The following PCDHA11 variants were observed in gnomAD, a reference collection of about 807,000 sequenced individuals.
PCDHA11 encodes the protein protocadherin alpha 11, also known as protocadherin alpha-11.
Under a neutral mutation model 70.3 loss-of-function variants are expected in PCDHA11, and 61 were observed. That is an observed-to-expected ratio of 0.87 (90% CI 0.71 to 1.07). The LOEUF (loss-of-function observed/expected upper bound fraction) is 1.07. Ranked by LOEUF, PCDHA11 falls within the 50% of genes least tolerant of loss-of-function variation. The pLI is 0.00. For missense variants in PCDHA11, 1,324 were observed against 1,237.5 expected (o/e 1.07, Z -1.05); for synonymous variants, 633 against 555.1 (o/e 1.14, Z -1.97).
chr5:140,992,676 G>A (rs2097524186), intron 3 of PCDHA11, among the ~76,000 whole-genome samples: 1 of 152,146 alleles, frequency 6.6e-6, no homozygotes, highest in African/African-American at 2.4e-5. Flanking sequence ...GTATGTGTGT[G>A]TTAGGGGTTG....
intron 1 of PCDHA11, among the ~76,000 whole-genome samples, chr5:140,878,370 T>C (rs1049956194): frequency 6.6e-6 from 1 of 152,272 alleles, no homozygotes; most frequent in African/African-American, 2.4e-5. Context: ...GTCTGACATA[T>C]GATGAATGAT....
At chr5:140,927,596 G>C in intron 1 of PCDHA11, 3 of 1,614,162 alleles carry the variant, frequency 1.9e-6, no homozygotes, top group Non-Finnish European at 2.5e-6. Flanking sequence ...GTATTTGAGC[G>C]CTCCGTATAC....
intron 1 of PCDHA11, among the ~76,000 whole-genome samples, chr5:140,956,898 T>G (rs1554222699): frequency 6.6e-6 from 1 of 152,218 alleles, no homozygotes; most frequent in Admixed American, 6.6e-5. Flanking sequence ...ATGAATATTC[T>G]TAAATGTATA....
chr5:140,924,597 G>A lies in PCDHA11; in HGVS notation c.2391+53103G>A, dbSNP rs1278228526. ...ATGTTTTCAAATATTATAGAAATATGCAGGCTGATGCCAGGTGCGGTGGCA... is the reference window on the plus strand; with the variant it reads ...ATGTTTTCAAATATTATAGAAATATACAGGCTGATGCCAGGTGCGGTGGCA... On this transcript the variant is annotated intron_variant, in intron 1 of 3. Coordinates refer to ENST00000398640, the MANE Select transcript of PCDHA11 (RefSeq NM_018902.5). Among the ~76,000 whole-genome samples the A allele has an allele frequency of 2.6e-5, 4 of 152,078 alleles. No homozygotes were observed. The East Asian group carries it at 7.7e-4, about 29-fold the overall frequency.
In PCDHA11 at chr5:140,993,459, T is replaced by TTC. The variant is rs202191067; in HGVS notation, c.2539+10899_2539+10900dup. 1.1e-4 allele frequency among the ~76,000 whole-genome samples: 9 copies of TTC among 83,038 alleles called. No individual in the cohort carries two copies. The East Asian group carries it at 1.5e-3, about 13-fold the overall frequency. 54.5% of individuals were successfully genotyped at this position (83,038 alleles called of 152,430 possible). Reference sequence around the variant, plus strand: ...ATTCATTCCTGTTCTCCTTCTTTCTTTCTCACACACACACACACACACACA... The same window carrying TTC: ...ATTCATTCCTGTTCTCCTTCTTTCTTTCTCTCACACACACACACACACACACA... On this transcript the variant is annotated intron_variant, in intron 3 of 3. Coordinates refer to ENST00000398640, the MANE Select transcript of PCDHA11 (RefSeq NM_018902.5).
chr5:140,967,676 G>A (rs1334899934), intron 1 of PCDHA11: 3 of 1,614,104 alleles, frequency 1.9e-6, no homozygotes, highest in African/African-American at 2.7e-5. Context: ...GTCGGACCGG[G>A]AGAGGCAGCT....
At chr5:140,908,180 T>C (rs2073846080) in intron 1 of PCDHA11, among the ~76,000 whole-genome samples, 2 of 152,298 alleles carry the variant, frequency 1.3e-5, no homozygotes, top group East Asian at 3.9e-4. Context: ...AGCTGTCCAC[T>C]TTCAGGTGGT....
At chr5:140,873,858 A>G (rs1238963531) in intron 1 of PCDHA11, among the ~76,000 whole-genome samples, 9 of 152,022 alleles carry the variant, frequency 5.9e-5, no homozygotes, top group African/African-American at 1.9e-4. Context: ...ATGGGTTTTC[A>G]CCATGTTGGC....
intron 1 of PCDHA11, among the ~76,000 whole-genome samples, chr5:140,955,489 A>G (rs1554221953): frequency 1.3e-5 from 2 of 152,114 alleles, no homozygotes; most frequent in Non-Finnish European, 2.9e-5. Context: ...CCTTCCTGCC[A>G]CCATGTGAAG....
chr5:140,881,596 T>G (rs1420240994), intron 1 of PCDHA11, among the ~76,000 whole-genome samples: 1 of 152,240 alleles, frequency 6.6e-6, no homozygotes, highest in African/African-American at 2.4e-5. Flanking sequence ...GGAAATTTAT[T>G]AATATGATGT....
intron 1 of PCDHA11, among the ~76,000 whole-genome samples, chr5:140,973,878 A>T (rs1440672302): frequency 6.6e-6 from 1 of 152,214 alleles, no homozygotes; most frequent in African/African-American, 2.4e-5. Context: ...GGTCAGAATA[A>T]TGTCAATTTG....
At chr5:140,882,492 T>C (rs782572325) in intron 1 of PCDHA11, 1 of 1,614,090 alleles carries the variant, frequency 6.2e-7, no homozygotes, top group South Asian at 1.1e-5. Flanking sequence ...GGGGACCTTC[T>C]GGAGGTAAAT....
At chr5:140,904,206 C>T (rs2070944708) in intron 1 of PCDHA11, among the ~76,000 whole-genome samples, 1 of 151,882 alleles carries the variant, frequency 6.6e-6, no homozygotes, top group South Asian at 2.1e-4. Flanking sequence ...CCCCTAAGTC[C>T]CCAAAGTCCA....
chr5:141,009,649 C>G lies in PCDHA11; in HGVS notation c.2562C>G (p.Ser854=). The change falls in exon 4 of 4, where the codon TCC becomes TCG. Residue 854 remains serine, a synonymous_variant. Coordinates refer to ENST00000398640, the MANE Select transcript of PCDHA11 (RefSeq NM_018902.5). ...ATPEPEAGEV[S]PPVGAGVNSN... ...CAGAACCAGAGGCAGGAGAAGTGTC[C>G]CCTCCAGTCGGTGCGGGTGTCAACA... 1 of 1,613,646 alleles carries G rather than the reference C, an allele frequency of 6.2e-7. No homozygotes were observed. The highest frequency in any genetic ancestry group is 8.5e-7 in the Non-Finnish European group (1 of 1,179,816).
At chr5:140,942,541 G>T (rs1241528363) in intron 1 of PCDHA11, among the ~76,000 whole-genome samples, 1 of 152,056 alleles carries the variant, frequency 6.6e-6, no homozygotes, top group Non-Finnish European at 1.5e-5. Context: ...CAGTATGGTG[G>T]GGGGTAGGGG....
At chr5:140,965,436 G>A (rs1389592396) in intron 1 of PCDHA11, among the ~76,000 whole-genome samples, 1 of 152,038 alleles carries the variant, frequency 6.6e-6, no homozygotes, top group Non-Finnish European at 1.5e-5. Flanking sequence ...TGCAGTCATT[G>A]AAATTGCTGG....
At chr5:140,910,276 A>G (rs1461426502) in intron 1 of PCDHA11, among the ~76,000 whole-genome samples, 2 of 152,124 alleles carry the variant, frequency 1.3e-5, no homozygotes, top group African/African-American at 4.8e-5. Flanking sequence ...ACTTCTAGGA[A>G]CACCATGATT....
chr5:140,928,998 CGT>C, intron 1 of PCDHA11: 1 of 1,613,902 alleles, frequency 6.2e-7, no homozygotes. Flanking sequence ...TACTTTTCTT[CGT>C]GTGTACCAAG....
At chr5:140,982,317 AG>A in intron 2 of PCDHA11, 157 bp from the exon 3 acceptor site, 1 of 1,347,244 alleles carries the variant, frequency 7.4e-7, no homozygotes, top group East Asian at 2.5e-5. Flanking sequence ...CAGTTTATGC[AG>A]GGTGACTGCT....
Sources: gnomAD v4.1 joint callset for allele counts (sites outside exome capture counted in the v4.1 genomes callset) on GRCh38, gnomAD v4.1.1 for gene constraint, MANE v1.5 for transcripts, NCBI Gene and HGNC (gene_info 2026-07-23, HGNC 2026-07-21) for gene names.